Variants in CLVS1 observed in about 807,000 individuals in gnomAD.
CLVS1 encodes clavesin-1.
A neutral mutation model predicts 33.1 loss-of-function variants in CLVS1; 10 were observed. The observed-to-expected ratio is 0.30, with a 90% confidence interval of 0.19 to 0.51. The LOEUF (loss-of-function observed/expected upper bound fraction) is 0.51. Among genes scored for constraint, CLVS1 ranks in the 20% least tolerant of loss-of-function variants. The pLI is 0.97. For missense variants in CLVS1, 343 were observed against 433.4 expected, an observed-to-expected ratio of 0.79 and a Z score of 1.85; for synonymous variants, 163 against 166.1, an observed-to-expected ratio of 0.98 and a Z score of 0.14.
intron 2 of CLVS1, chr8:61,300,497 A>G (rs1810387448): frequency 2.1e-6 from 1 of 485,284 alleles, no homozygotes; most frequent in Non-Finnish European, 3.6e-6. Context: ...AGACCTTAGA[A>G]GTCATTATTC....
chr8:61,180,289 G>T (rs754759535), intron 2 of CLVS1, among the ~76,000 whole-genome samples: 3 of 152,046 alleles, frequency 2.0e-5, no homozygotes, highest in African/African-American at 7.3e-5. Context: ...GACTAAACTA[G>T]GAAGAAGTCA....
intron 3 of CLVS1, among the ~76,000 whole-genome samples, chr8:61,411,702 T>A (rs1815231995): frequency 6.6e-6 from 1 of 152,084 alleles, no homozygotes; most frequent in Non-Finnish European, 1.5e-5. Context: ...CAAACCTCCT[T>A]TACTGGATGA....
At chr8:60,989,546 C>G in the CLVS1 span, among the ~76,000 whole-genome samples, 1 of 152,142 alleles carries the variant, frequency 6.6e-6, no homozygotes, top group Non-Finnish European at 1.5e-5. Context: ...ATTTCTTTGT[C>G]TACGTGACCC....
intron 3 of CLVS1, among the ~76,000 whole-genome samples, chr8:61,431,493 G>A (rs139948544): frequency 2.2e-4 from 34 of 152,222 alleles, no homozygotes; most frequent in South Asian, 1.9e-3. Flanking sequence ...CAATCATGGC[G>A]GCATGGCTGA....
At chr8:61,082,990 T>TA (rs72005369) in intron 1 of CLVS1, among the ~76,000 whole-genome samples, 102,758 of 135,810 alleles carry the variant, frequency 0.76, 35,487 homozygotes, top group Non-Finnish European at 0.78. Flanking sequence ...GTCTTAAACA[T>TA]AAAAAAAAAG....
At chr8:61,098,842 A>G (rs1805398914) in intron 1 of CLVS1, among the ~76,000 whole-genome samples, 1 of 152,206 alleles carries the variant, frequency 6.6e-6, no homozygotes, top group Admixed American at 6.5e-5. Context: ...TGTTTTCTGC[A>G]TATCATGTGC....
At chr8:61,014,847 G>A in the CLVS1 span, among the ~76,000 whole-genome samples, 1 of 152,226 alleles carries the variant, frequency 6.6e-6, no homozygotes, top group Non-Finnish European at 1.5e-5. Context: ...CATTCTGGCA[G>A]GCTCAATAGA....
chr8:61,151,488 C>T (rs1300612628), intron 2 of CLVS1, among the ~76,000 whole-genome samples: 10 of 152,158 alleles, frequency 6.6e-5, no homozygotes, highest in Non-Finnish European at 8.8e-5. Context: ...TTTATGGAGG[C>T]TAGATCAGCC....
intron 2 of CLVS1, among the ~76,000 whole-genome samples, chr8:61,327,747 T>A (rs1202961995): frequency 6.6e-6 from 1 of 152,222 alleles, no homozygotes. Context: ...GTGTCAGGAC[T>A]AGACTCAGTG....
the CLVS1 span, among the ~76,000 whole-genome samples, chr8:60,976,297 GA>G: frequency 6.6e-6 from 1 of 152,076 alleles, no homozygotes; most frequent in South Asian, 2.1e-4. Context: ...TCATGTTTGG[GA>G]AAACATGTAC....
chr8:61,118,351 G>T (rs181572939), intron 1 of CLVS1, among the ~76,000 whole-genome samples: 26,432 of 151,596 alleles, frequency 0.17, 2,468 homozygotes, highest in Admixed American at 0.3. Context: ...TTTTTGAAGG[G>T]TTTTTTGTGT....
At chr8:61,269,493 G>A (rs1343146566) in intron 2 of CLVS1, among the ~76,000 whole-genome samples, 3 of 151,984 alleles carry the variant, frequency 2.0e-5, no homozygotes, top group African/African-American at 4.8e-5. Flanking sequence ...TTGACTTGGC[G>A]ATGCGGACTC....
chr8:61,376,938 A>G (rs1047705079), intron 3 of CLVS1, 159 bp downstream of exon 3: 37 of 572,922 alleles, frequency 6.5e-5, no homozygotes, highest in Non-Finnish European at 1.0e-4. Flanking sequence ...AGAGTTTTAG[A>G]TGCTTTTTAA....
chr8:61,130,357 TCTC>T (rs1231574837), intron 1 of CLVS1, among the ~76,000 whole-genome samples: 3 of 152,114 alleles, frequency 2.0e-5, no homozygotes, highest in South Asian at 2.1e-4. Context: ...TTCCGTGACA[TCTC>T]CTGAGCAGTA....
chr8:61,224,795 C>T (rs533988014), intron 2 of CLVS1, among the ~76,000 whole-genome samples: 2 of 152,270 alleles, frequency 1.3e-5, no homozygotes, highest in South Asian at 2.1e-4. Context: ...ACAGAAAGAG[C>T]TAACTATCCT....
At chr8:61,214,434 C>G (rs566507811) in intron 2 of CLVS1, among the ~76,000 whole-genome samples, 6 of 152,262 alleles carry the variant, frequency 3.9e-5, no homozygotes, top group Non-Finnish European at 7.4e-5. Flanking sequence ...CTTTATTTCT[C>G]AAGCTGGCTG....
chr8:61,433,188 A>G (rs1026665288), intron 3 of CLVS1, among the ~76,000 whole-genome samples: 22 of 152,220 alleles, frequency 1.4e-4, no homozygotes, highest in African/African-American at 4.6e-4. Context: ...TCCTGGGTCC[A>G]AGTGATCCAC....
intron 1 of CLVS1, among the ~76,000 whole-genome samples, chr8:61,078,494 A>G (rs1804965018): frequency 1.3e-5 from 2 of 152,174 alleles, no homozygotes. Flanking sequence ...TTTCATGGCC[A>G]TCTTGATTTG....
At chr8:61,128,456 G>T (rs532699406) in intron 1 of CLVS1, among the ~76,000 whole-genome samples, 1 of 152,252 alleles carries the variant, frequency 6.6e-6, no homozygotes, top group East Asian at 1.9e-4. Flanking sequence ...CATGTGTAGG[G>T]TTCCTTTCTT....
Sources: gnomAD v4.1 joint callset for allele counts (sites outside exome capture counted in the v4.1 genomes callset) on GRCh38, gnomAD v4.1.1 for gene constraint, MANE v1.5 for transcripts, NCBI Gene and HGNC (gene_info 2026-07-23, HGNC 2026-07-21) for gene names.